Variants in AAGAB observed in about 807,000 individuals in gnomAD.
The protein encoded by AAGAB is alpha and gamma adaptin binding protein.
AAGAB carries 38 observed loss-of-function variants against 44.1 expected under a neutral mutation model. That is an observed-to-expected ratio of 0.86 (90% CI 0.67 to 1.13). The LOEUF (loss-of-function observed/expected upper bound fraction) is 1.13, where lower values mean the gene tolerates loss of function less well. Among genes scored for constraint, AAGAB ranks in the 50% most tolerant of loss-of-function variants. The probability of loss-of-function intolerance (pLI) is 0.00; values close to 1 mark genes in which losing one functional copy is unlikely to be tolerated. For missense variants in AAGAB, 450 were observed against 373.8 expected, an observed-to-expected ratio of 1.20 and a Z score of -1.68; for synonymous variants, 131 against 131.8, an observed-to-expected ratio of 0.99 and a Z score of 0.04.
intron 6 of AAGAB, among the ~76,000 whole-genome samples, chr15:67,209,064 G>A (rs1963749286): frequency 6.6e-6 from 1 of 152,170 alleles, no homozygotes; most frequent in South Asian, 2.1e-4. Context: ...GGTAAACCTG[G>A]AACAAAGTTC....
At chr15:67,235,550 A>C (rs1204129131) in intron 4 of AAGAB, among the ~76,000 whole-genome samples, 2 of 152,166 alleles carry the variant, frequency 1.3e-5, no homozygotes, top group Non-Finnish European at 2.9e-5. Context: ...TTTGGCTTCA[A>C]ATGTCCAAAA....
chr15:67,253,951 T>G (rs2140408701), intron 1 of AAGAB, among the ~76,000 whole-genome samples: 1 of 152,180 alleles, frequency 6.6e-6, no homozygotes, highest in East Asian at 1.9e-4. Context: ...CTTTTAAGAG[T>G]TAGTAAGTCT....
At chr15:67,206,759 T>C (rs1055677667) in intron 7 of AAGAB, among the ~76,000 whole-genome samples, 2 of 152,190 alleles carry the variant, frequency 1.3e-5, no homozygotes, top group Non-Finnish European at 2.9e-5. Flanking sequence ...CCATTCTTTT[T>C]TGAGAATTTT....
Position 67,236,929 on chromosome 15 carries a change from T to C in AAGAB, c.74-109A>G, listed in dbSNP as rs575857290. ...CTGGTACTTTTGCTGTTTCCTTTTA[T>C]GTGAGGATTTCAAAGGACCCTGCAT... On this transcript the variant is annotated intron_variant, in intron 1 of 9. Transcript: ENST00000261880. The C allele has an allele frequency of 6.8e-5, 56 of 828,438 alleles. No individual in the cohort carries two copies. The African/African-American group carries it at 9.0e-4, about 13-fold the overall frequency. The allele number at this position is 828,438 out of a possible 1,614,324, so 51.3% of individuals were successfully genotyped here. A position where few individuals can be genotyped will look rare whatever the true frequency, so the allele number is the denominator to read the frequency against.
At chr15:67,235,623 G>A (rs992586180) in intron 4 of AAGAB, among the ~76,000 whole-genome samples, 1 of 152,100 alleles carries the variant, frequency 6.6e-6, no homozygotes, top group East Asian at 1.9e-4. Flanking sequence ...AGGTTACTAT[G>A]AATTCAAAAT....
At chr15:67,235,831 T>G (rs1002238091) in intron 4 of AAGAB, 148 bp downstream of exon 4, 10 of 612,028 alleles carry the variant, frequency 1.6e-5, no homozygotes, top group Non-Finnish European at 2.8e-5. Context: ...AGTGTAAGAT[T>G]ATAAGATTAC....
chr15:67,249,780 T>A (rs548904613), intron 1 of AAGAB, among the ~76,000 whole-genome samples: 2 of 152,372 alleles, frequency 1.3e-5, no homozygotes, highest in East Asian at 3.9e-4. Context: ...ATCCTGAATT[T>A]GAACATATGC....
chr15:67,249,812 T>C (rs1006185912), intron 1 of AAGAB, among the ~76,000 whole-genome samples: 11 of 152,334 alleles, frequency 7.2e-5, no homozygotes, highest in South Asian at 6.2e-4. Context: ...GGCAAGTCAT[T>C]TAGTATTTCC....
intron 8 of AAGAB, 70 bp from the exon 9 acceptor site, chr15:67,203,667 T>C: frequency 1.5e-6 from 2 of 1,328,514 alleles, no homozygotes; most frequent in Non-Finnish European, 2.1e-6. Flanking sequence ...TGAATAACAC[T>C]AGAAGATGGG....
intron 5 of AAGAB, 138 bp downstream of exon 5, chr15:67,231,676 G>T: frequency 1.5e-6 from 1 of 664,954 alleles, no homozygotes; most frequent in Non-Finnish European, 2.6e-6. Context: ...TACTTTTGGC[G>T]CTTCCTTCAA....
At chr15:67,212,373 GA>G (rs887923747) in intron 5 of AAGAB, among the ~76,000 whole-genome samples, 7 of 150,576 alleles carry the variant, frequency 4.6e-5, no homozygotes, top group East Asian at 1.9e-4. Context: ...TTAAAACTTT[GA>G]AAAAAAAATT....
chr15:67,224,445 A>G (rs1287918214), intron 5 of AAGAB, among the ~76,000 whole-genome samples: 3 of 152,176 alleles, frequency 2.0e-5, no homozygotes. Flanking sequence ...GAGATACTAG[A>G]CCATACTAGA....
At chr15:67,234,276 A>C (rs1964413037) in intron 4 of AAGAB, among the ~76,000 whole-genome samples, 1 of 151,956 alleles carries the variant, frequency 6.6e-6, no homozygotes, top group Non-Finnish European at 1.5e-5. Flanking sequence ...AATAAATAAA[A>C]ATAAAGAAAG....
At chr15:67,217,134 C>T (rs1567019005) in intron 5 of AAGAB, among the ~76,000 whole-genome samples, 1 of 152,190 alleles carries the variant, frequency 6.6e-6, no homozygotes, top group African/African-American at 2.4e-5. Flanking sequence ...ATTTAGACAA[C>T]TGTCAGAGTA....
Position 67,204,063 on chromosome 15 carries a change from T to C in AAGAB, c.801A>G (p.Ser267=), listed in dbSNP as rs1963629497. 1 of 1,606,736 alleles carries C rather than the reference T, an allele frequency of 6.2e-7. No individual in the cohort carries two copies. Among genetic ancestry groups the C allele is most frequent in the Admixed American group, 1.7e-5 (1 of 59,888 alleles). The change falls in exon 8 of 10, where the codon TCA becomes TCG. Residue 267 remains serine (S), a synonymous_variant. Transcript: ENST00000261880. ...GATTACCTTTCATTTCCTTTAACTTTGAAAAGAGTCTTTCAAAATTCTCCA... is the reference window on the plus strand; with the variant it reads ...GATTACCTTTCATTTCCTTTAACTTCGAAAAGAGTCTTTCAAAATTCTCCA... ...GDVENFERLF[S]KLKEMKDKAA...
At chr15:67,238,893 C>G (rs757388785) in intron 1 of AAGAB, among the ~76,000 whole-genome samples, 31 of 152,214 alleles carry the variant, frequency 2.0e-4, no homozygotes, top group Non-Finnish European at 3.4e-4. Flanking sequence ...GACAGGGTTT[C>G]ACCATGTTAG....
At chr15:67,216,984 T>C (rs1362113537) in intron 5 of AAGAB, among the ~76,000 whole-genome samples, 1 of 152,124 alleles carries the variant, frequency 6.6e-6, no homozygotes, top group African/African-American at 2.4e-5. Flanking sequence ...CATACTCTTA[T>C]TCCTTATTTT....
intron 5 of AAGAB, among the ~76,000 whole-genome samples, chr15:67,228,240 T>C (rs1964250010): frequency 6.6e-6 from 1 of 152,198 alleles, no homozygotes; most frequent in Non-Finnish European, 1.5e-5. Flanking sequence ...TTTGTGAAAA[T>C]AGTTCTCATA....
intron 5 of AAGAB, among the ~76,000 whole-genome samples, chr15:67,214,382 T>TTC (rs1491020034): frequency 5.9e-5 from 9 of 152,210 alleles, no homozygotes; most frequent in Non-Finnish European, 1.3e-4. Flanking sequence ...GGCTCCATTA[T>TTC]CTCTTCACTG....
Sources: gnomAD v4.1 joint callset for allele counts (sites outside exome capture counted in the v4.1 genomes callset) on GRCh38, gnomAD v4.1.1 for gene constraint, MANE v1.5 for transcripts, NCBI Gene and HGNC (gene_info 2026-07-23, HGNC 2026-07-21) for gene names.